Variants in PPM1E observed in about 807,000 individuals in gnomAD.
The protein encoded by PPM1E is protein phosphatase 1E.
PPM1E carries 20 observed loss-of-function variants against 65.9 expected under a neutral mutation model. That is an observed-to-expected ratio of 0.30 (90% CI 0.21 to 0.44). PPM1E has a LOEUF of 0.44. Among genes scored for constraint, PPM1E ranks in the 20% least tolerant of loss-of-function variants. The pLI is 1.00. For synonymous variants in PPM1E, 352 were observed against 374.9 expected, an observed-to-expected ratio of 0.94 and a Z score of 0.70; for missense variants, 713 against 953.1, an observed-to-expected ratio of 0.75 and a Z score of 3.32.
At chr17:58,836,791 A>G (rs1367107574) in intron 1 of PPM1E, among the ~76,000 whole-genome samples, 1 of 145,774 alleles carries the variant, frequency 6.9e-6, no homozygotes, top group African/African-American at 2.5e-5. Flanking sequence ...GGAGGCCGAG[A>G]CGGGCGGATC....
chr17:58,771,238 A>G (rs945399953), intron 1 of PPM1E, among the ~76,000 whole-genome samples: 3 of 152,070 alleles, frequency 2.0e-5, no homozygotes, highest in African/African-American at 7.2e-5. Context: ...AATATATAAT[A>G]TGAAAAAATT....
At chr17:58,830,007 C>T (rs1472902755) in intron 1 of PPM1E, among the ~76,000 whole-genome samples, 3 of 151,888 alleles carry the variant, frequency 2.0e-5, no homozygotes, top group African/African-American at 7.2e-5. Context: ...ATAGTAAGAC[C>T]CTGTCTCTAG....
intron 4 of PPM1E, among the ~76,000 whole-genome samples, chr17:58,970,669 T>G (rs916397908): frequency 1.3e-5 from 2 of 152,070 alleles, no homozygotes; most frequent in Non-Finnish European, 2.9e-5. Flanking sequence ...TCTTCATCTC[T>G]CCCCTCCCCT....
intron 1 of PPM1E, among the ~76,000 whole-genome samples, chr17:58,903,254 C>T (rs1598640427): frequency 1.3e-5 from 2 of 152,292 alleles, no homozygotes; most frequent in African/African-American, 4.8e-5. Flanking sequence ...AGTCCAGCCT[C>T]CCAAGGTACT....
chr17:58,837,516 A>G (rs1428561196), intron 1 of PPM1E, among the ~76,000 whole-genome samples: 1 of 101,896 alleles, frequency 9.8e-6, no homozygotes, highest in African/African-American at 3.7e-5. Flanking sequence ...TTTTTTTTTT[A>G]AGACAGAGTC....
intron 1 of PPM1E, among the ~76,000 whole-genome samples, chr17:58,905,063 TTTCTCCTATAGTTTTGTATAATTCCTTG>T (rs1363346637): frequency 6.6e-6 from 1 of 150,848 alleles, no homozygotes; most frequent in Non-Finnish European, 1.5e-5. Context: ...CAACAAACAA[TTTCTCCTATAGTTTTGTATAATTCCTTG>T]TTGGTTCTAG....
At chr17:58,798,813 C>T (rs145092587) in intron 1 of PPM1E, among the ~76,000 whole-genome samples, 2,283 of 152,058 alleles carry the variant, frequency 0.015, 53 homozygotes, top group African/African-American at 0.052. Context: ...CATGTCTCAG[C>T]CTCCTGAGTA....
chr17:58,793,138 C>T (rs1403544415), intron 1 of PPM1E, among the ~76,000 whole-genome samples: 1 of 151,960 alleles, frequency 6.6e-6, no homozygotes, highest in African/African-American at 2.4e-5. Flanking sequence ...GAACTTGACT[C>T]TCTAATTCCT....
intron 1 of PPM1E, among the ~76,000 whole-genome samples, chr17:58,787,132 A>G (rs1277991238): frequency 6.6e-6 from 1 of 152,184 alleles, no homozygotes; most frequent in African/African-American, 2.4e-5. Flanking sequence ...TTCTTACTCA[A>G]ATTCTATTAG....
At chr17:58,861,018 T>C (rs959703926) in intron 1 of PPM1E, among the ~76,000 whole-genome samples, 3 of 152,242 alleles carry the variant, frequency 2.0e-5, no homozygotes, top group Non-Finnish European at 4.4e-5. Flanking sequence ...TATAAAGTGT[T>C]ATCAATAGGC....
intron 1 of PPM1E, chr17:58,899,245 G>C (rs2051465767): frequency 6.6e-6 from 1 of 152,038 alleles, no homozygotes; most frequent in South Asian, 2.1e-4. Flanking sequence ...TGAGGTGGGA[G>C]GATTACTTGA....
At chr17:58,868,879 TTACA>T (rs2051037812) in intron 1 of PPM1E, among the ~76,000 whole-genome samples, 1 of 152,108 alleles carries the variant, frequency 6.6e-6, no homozygotes, top group Non-Finnish European at 1.5e-5. Context: ...AAAGTTTAAG[TTACA>T]AGGCCAGGCA....
At chr17:58,939,732 C>T (rs1261854744) in intron 1 of PPM1E, among the ~76,000 whole-genome samples, 1 of 151,688 alleles carries the variant, frequency 6.6e-6, no homozygotes, top group African/African-American at 2.4e-5. Flanking sequence ...ATTTTATTTC[C>T]GTCTATGAAT....
intron 1 of PPM1E, among the ~76,000 whole-genome samples, chr17:58,903,340 A>C (rs78630301): frequency 6.6e-6 from 1 of 152,148 alleles, no homozygotes; most frequent in East Asian, 1.9e-4. Flanking sequence ...GGTCACAACT[A>C]TCCCTGGTGT....
At chr17:58,827,917 T>TAAG (rs2050558781) in intron 1 of PPM1E, among the ~76,000 whole-genome samples, 1 of 95,316 alleles carries the variant, frequency 1.0e-5, no homozygotes, top group Non-Finnish European at 2.4e-5. Context: ...AAAAAAATAA[T>TAAG]AATAATAATA....
intron 1 of PPM1E, among the ~76,000 whole-genome samples, chr17:58,948,886 C>T (rs1195563544): frequency 6.6e-6 from 1 of 152,118 alleles, no homozygotes; most frequent in Non-Finnish European, 1.5e-5. Flanking sequence ...CTTGATATGA[C>T]TTCAATTAAA....
At chr17:58,950,981 T>C (rs572423031) in intron 1 of PPM1E, among the ~76,000 whole-genome samples, 1 of 152,202 alleles carries the variant, frequency 6.6e-6, no homozygotes, top group Non-Finnish European at 1.5e-5. Context: ...GGTTTCACTG[T>C]GTTAGCCAGG....
intron 1 of PPM1E, among the ~76,000 whole-genome samples, chr17:58,767,469 T>C (rs1204625292): frequency 2.6e-5 from 4 of 152,320 alleles, no homozygotes; most frequent in Middle Eastern, 6.8e-3. Flanking sequence ...AATGTAGAAA[T>C]TGAATTTTGA....
At chr17:58,911,761 T>A (rs1004552846) in intron 1 of PPM1E, among the ~76,000 whole-genome samples, 17 of 152,156 alleles carry the variant, frequency 1.1e-4, no homozygotes, top group African/African-American at 4.1e-4. Context: ...AAGTGAACAT[T>A]ATTGATTGAG....
Sources: gnomAD v4.1 joint callset for allele counts (sites outside exome capture counted in the v4.1 genomes callset) on GRCh38, gnomAD v4.1.1 for gene constraint, MANE v1.5 for transcripts, NCBI Gene and HGNC (gene_info 2026-07-23, HGNC 2026-07-21) for gene names.